Variants in GNG2 observed in about 807,000 individuals in gnomAD.
The protein encoded by GNG2 is guanine nucleotide-binding protein G(I)/G(S)/G(O) subunit gamma-2.
A neutral mutation model predicts 5.5 loss-of-function variants in GNG2; 5 were observed. That is an observed-to-expected ratio of 0.91 (90% CI 0.48 to 1.92). GNG2 has a LOEUF of 1.92. Among genes scored for constraint, GNG2 ranks in the 30% most tolerant of loss-of-function variants. GNG2 has a pLI of 0.01. For synonymous variants in GNG2, 28 were observed against 32.0 expected (o/e 0.88, Z 0.42); for missense variants, 55 against 88.4 (o/e 0.62, Z 1.52).
chr14:51,923,934 C>T (rs1255837213), intron 2 of GNG2, among the ~76,000 whole-genome samples: 5 of 152,190 alleles, frequency 3.3e-5, no homozygotes, highest in Non-Finnish European at 1.5e-5. Flanking sequence ...CAACAAAACT[C>T]AGAAAGATTC....
chr14:51,932,273 G>GAA lies in GNG2; in HGVS notation c.-29-18374_-29-18373dup, dbSNP rs1887714039. Among the ~76,000 whole-genome samples the GAA allele has an allele frequency of 2.4e-4, 15 of 61,442 alleles. 1 individual carries two copies. Among genetic ancestry groups the GAA allele is most frequent in the African/African-American group, 2.9e-4 (5 of 17,076 alleles). The allele number at this position is 61,442 out of a possible 152,430, so 40.3% of individuals were successfully genotyped here. A position where few individuals can be genotyped will look rare whatever the true frequency, so the allele number is the denominator to read the frequency against. On this transcript the variant is annotated intron_variant, in intron 2 of 3. Transcript: ENST00000556766. ...AAAAAAAAAAAAAAAAAAAAAAAAA[G>GAA]AAAAGAAAATATGGTATATATGCAC...
intron 1 of GNG2, among the ~76,000 whole-genome samples, chr14:51,867,757 A>G (rs1193940709): frequency 2.0e-5 from 3 of 152,154 alleles, no homozygotes; most frequent in African/African-American, 7.2e-5. Context: ...TGTAAAGCTC[A>G]GTTCAAATGC....
chr14:51,856,829 T>C (rs546812338), upstream of GNG2, among the ~76,000 whole-genome samples: 36 of 152,378 alleles, frequency 2.4e-4, no homozygotes, highest in African/African-American at 8.2e-4. Context: ...CAGAATTTTT[T>C]AGGCTTGCCC....
At chr14:51,886,623 A>C (rs931252498) in intron 2 of GNG2, among the ~76,000 whole-genome samples, 6 of 152,170 alleles carry the variant, frequency 3.9e-5, no homozygotes, top group Non-Finnish European at 7.3e-5. Flanking sequence ...CTCCTATATT[A>C]TCCTTTGGCC....
At chr14:51,942,069 A>G (rs1594942901) in intron 2 of GNG2, among the ~76,000 whole-genome samples, 1 of 152,242 alleles carries the variant, frequency 6.6e-6, no homozygotes, top group Non-Finnish European at 1.5e-5. Context: ...TAGACTGCAT[A>G]AAAGAGACTC....
chr14:51,940,632 C>T (rs1054119267), intron 2 of GNG2, among the ~76,000 whole-genome samples: 2 of 151,508 alleles, frequency 1.3e-5, no homozygotes, highest in African/African-American at 4.9e-5. Flanking sequence ...ACTGAGTGTG[C>T]AAGGTGGATT....
At chr14:51,952,870 T>C (rs1293643577) in intron 3 of GNG2, among the ~76,000 whole-genome samples, 1 of 152,152 alleles carries the variant, frequency 6.6e-6, no homozygotes, top group Non-Finnish European at 1.5e-5. Flanking sequence ...AAAATCTAAT[T>C]ACATTCCTCT....
chr14:51,924,681 C>T (rs1253316781), intron 2 of GNG2, among the ~76,000 whole-genome samples: 2 of 152,164 alleles, frequency 1.3e-5, no homozygotes, highest in East Asian at 1.9e-4. Context: ...TTAGGCAAGC[C>T]GCAATACATA....
intron 2 of GNG2, among the ~76,000 whole-genome samples, chr14:51,837,328 T>A (rs1881359070): frequency 6.6e-6 from 1 of 152,206 alleles, no homozygotes; most frequent in Non-Finnish European, 1.5e-5. Flanking sequence ...AGCACTCTGT[T>A]AATTATTGCC....
At chr14:51,863,933 C>T (rs555018902) in intron 1 of GNG2, among the ~76,000 whole-genome samples, 13 of 152,278 alleles carry the variant, frequency 8.5e-5, no homozygotes, top group African/African-American at 2.2e-4. Context: ...GATGGACACT[C>T]GGGCCATGTT....
At chr14:51,932,656 G>A (rs1222357149) in intron 2 of GNG2, among the ~76,000 whole-genome samples, 1 of 152,084 alleles carries the variant, frequency 6.6e-6, no homozygotes. Flanking sequence ...AATAATTGTG[G>A]TTGGTAAAAT....
chr14:51,907,293 A>T (rs1885994404), intron 2 of GNG2, among the ~76,000 whole-genome samples: 1 of 152,238 alleles, frequency 6.6e-6, no homozygotes, highest in African/African-American at 2.4e-5. Flanking sequence ...TTTTTTAGTT[A>T]TATAAAAATA....
intron 2 of GNG2, among the ~76,000 whole-genome samples, chr14:51,828,575 T>C (rs1361233248): frequency 1.3e-5 from 2 of 152,156 alleles, no homozygotes; most frequent in African/African-American, 4.8e-5. Flanking sequence ...GGTTGGCTTA[T>C]GATATCTGTC....
intron 2 of GNG2, among the ~76,000 whole-genome samples, chr14:51,884,859 G>T (rs957566862): frequency 3.3e-5 from 5 of 152,196 alleles, no homozygotes; most frequent in African/African-American, 9.6e-5. Context: ...CACGATAGTT[G>T]GTTCAGAGGG....
intron 2 of GNG2, among the ~76,000 whole-genome samples, chr14:51,921,185 G>A (rs946819597): frequency 2.0e-5 from 3 of 152,150 alleles, no homozygotes; most frequent in African/African-American, 7.2e-5. Flanking sequence ...CCAGCTATGT[G>A]ACTAAGTACA....
intron 2 of GNG2, among the ~76,000 whole-genome samples, chr14:51,879,812 C>A (rs892832252): frequency 2.0e-5 from 3 of 152,138 alleles, no homozygotes; most frequent in Non-Finnish European, 4.4e-5. Context: ...TCACCAGGGC[C>A]TCCATTTAAT....
chr14:51,829,602 C>T (rs990555134), intron 2 of GNG2, among the ~76,000 whole-genome samples: 7 of 152,110 alleles, frequency 4.6e-5, no homozygotes, highest in African/African-American at 1.7e-4. Flanking sequence ...TATTGCCCTC[C>T]ACTGACCCAT....
rs1241170943 is a variant in GNG2 at position 51,932,516 on chromosome 14, G to A, written c.-29-18134G>A. Reference sequence around the variant, plus strand: ...GTAGTGGCTTTCACCTGTGGTCCCCGCTACTTGGGAGGTGGGAGGATCACT... The same window carrying A: ...GTAGTGGCTTTCACCTGTGGTCCCCACTACTTGGGAGGTGGGAGGATCACT... On this transcript the variant is annotated intron_variant, in intron 2 of 3. Coordinates refer to ENST00000556766, the MANE Select transcript of GNG2 (RefSeq NM_053064.5). Among the ~76,000 whole-genome samples the A allele has an allele frequency of 7.2e-5, 11 of 152,102 alleles. No homozygotes were observed. In the South Asian group the frequency reaches 1.7e-3, roughly 23 times the overall value.
At chr14:51,855,373 CCT>C (rs1882109024) in intron 2 of GNG2, among the ~76,000 whole-genome samples, 2 of 152,214 alleles carry the variant, frequency 1.3e-5, no homozygotes, top group South Asian at 4.1e-4. Context: ...CCACCCACCC[CCT>C]GACTCTCTTC....
Sources: gnomAD v4.1 joint callset for allele counts (sites outside exome capture counted in the v4.1 genomes callset) on GRCh38, gnomAD v4.1.1 for gene constraint, MANE v1.5 for transcripts, NCBI Gene and HGNC (gene_info 2026-07-23, HGNC 2026-07-21) for gene names.